The following TENM3 variants were observed in gnomAD, a reference collection of about 807,000 sequenced individuals.
TENM3 encodes the protein teneurin transmembrane protein 3, also known as teneurin-3.
In TENM3, 63 loss-of-function variants were observed where a neutral mutation model predicts 255.1. The ratio of observed to expected loss-of-function variants is 0.25; its 90% CI spans 0.20 to 0.30. TENM3 has a LOEUF of 0.30. Ranked by LOEUF, TENM3 falls within the 10% of genes least tolerant of loss-of-function variation. The probability of loss-of-function intolerance (pLI) is 1.00; values close to 1 mark genes in which losing one functional copy is unlikely to be tolerated. For synonymous variants in TENM3, 1,306 were observed against 1,322.3 expected (o/e 0.99, Z 0.27); for missense variants, 2,929 against 3,461.1 (o/e 0.85, Z 3.86).
the TENM3 span, among the ~76,000 whole-genome samples, chr4:181,951,323 A>C: frequency 1.3e-5 from 2 of 152,140 alleles, no homozygotes; most frequent in Non-Finnish European, 2.9e-5. Context: ...CCTGTCTCAA[A>C]ATCAGAGTCG....
At chr4:182,097,957 C>T in the TENM3 span, among the ~76,000 whole-genome samples, 1 of 152,026 alleles carries the variant, frequency 6.6e-6, no homozygotes, top group Non-Finnish European at 1.5e-5. Context: ...ATGGCAAAGC[C>T]TAGCACTCAA....
the TENM3 span, among the ~76,000 whole-genome samples, chr4:181,546,093 G>T: frequency 6.6e-6 from 1 of 152,172 alleles, no homozygotes; most frequent in Non-Finnish European, 1.5e-5. Context: ...CCACTGCAAA[G>T]GTCTTGCGTT....
intron 3 of TENM3, among the ~76,000 whole-genome samples, chr4:182,441,748 G>A (rs536358912): frequency 3.4e-4 from 52 of 152,172 alleles, no homozygotes; most frequent in Non-Finnish European, 5.6e-4. Context: ...TGCCTGCCTC[G>A]AACTCCTGAC....
chr4:182,579,388 A>G (rs902612026), intron 3 of TENM3, among the ~76,000 whole-genome samples: 2 of 152,216 alleles, frequency 1.3e-5, no homozygotes, highest in Admixed American at 1.3e-4. Context: ...ACATAACCAA[A>G]TAACATTTTG....
At chr4:182,454,131 T>C (rs1235021092) in intron 3 of TENM3, among the ~76,000 whole-genome samples, 1 of 152,158 alleles carries the variant, frequency 6.6e-6, no homozygotes, top group East Asian at 1.9e-4. Flanking sequence ...TATCATCTTA[T>C]TGAGCCCATC....
the TENM3 span, among the ~76,000 whole-genome samples, chr4:181,858,396 C>T: frequency 6.6e-6 from 1 of 152,150 alleles, no homozygotes; most frequent in Admixed American, 6.5e-5. Flanking sequence ...CCAGCTATTT[C>T]TAAAGGACAC....
intron 1 of TENM3, among the ~76,000 whole-genome samples, chr4:182,198,348 A>G (rs1353349645): frequency 6.6e-6 from 1 of 152,174 alleles, no homozygotes; most frequent in East Asian, 1.9e-4. Context: ...TAATCAGATT[A>G]CTTTTACTGA....
intron 3 of TENM3, among the ~76,000 whole-genome samples, chr4:182,568,127 G>C (rs1242376833): frequency 6.6e-6 from 1 of 152,176 alleles, no homozygotes; most frequent in Non-Finnish European, 1.5e-5. Flanking sequence ...AGCAAATCCT[G>C]CCAGTTCTAC....
At chr4:182,615,970 T>C (rs1200438914) in intron 4 of TENM3, among the ~76,000 whole-genome samples, 5 of 152,208 alleles carry the variant, frequency 3.3e-5, no homozygotes, top group African/African-American at 1.2e-4. Context: ...AATACCTTAC[T>C]GCAGTGATTC....
intron 3 of TENM3, among the ~76,000 whole-genome samples, chr4:182,586,936 C>T (rs145086911): frequency 3.9e-5 from 6 of 152,202 alleles, no homozygotes; most frequent in Middle Eastern, 6.8e-3. Flanking sequence ...TATCTGTGTG[C>T]TCTTCAATTA....
chr4:181,953,460 C>T, the TENM3 span, among the ~76,000 whole-genome samples: 7 of 152,206 alleles, frequency 4.6e-5, no homozygotes, highest in South Asian at 1.5e-3. Context: ...ATGTTAATCC[C>T]CAGGCTGTCC....
the TENM3 span, among the ~76,000 whole-genome samples, chr4:181,804,126 G>A: frequency 4.5e-5 from 1 of 22,244 alleles, no homozygotes; most frequent in African/African-American, 8.1e-5. Flanking sequence ...GGGAGGGAAA[G>A]GGAGGGAGGG....
At chr4:182,627,300 T>C (rs1750911107) in intron 4 of TENM3, among the ~76,000 whole-genome samples, 1 of 152,210 alleles carries the variant, frequency 6.6e-6, no homozygotes, top group Admixed American at 6.5e-5. Context: ...ATCCTCATTT[T>C]ATACATTAAG....
the TENM3 span, among the ~76,000 whole-genome samples, chr4:181,546,660 G>C: frequency 1.4e-5 from 2 of 141,120 alleles, no homozygotes; most frequent in Non-Finnish European, 3.0e-5. Flanking sequence ...CTTGCAGCGA[G>C]CCGAGATCGC....
At chr4:182,578,889 G>T (rs1745207287) in intron 3 of TENM3, among the ~76,000 whole-genome samples, 2 of 152,186 alleles carry the variant, frequency 1.3e-5, no homozygotes, top group African/African-American at 4.8e-5. Flanking sequence ...TGCTAACTGT[G>T]CTTCTCTTCA....
At chr4:182,569,847 G>C (rs983982446) in intron 3 of TENM3, among the ~76,000 whole-genome samples, 2 of 150,154 alleles carry the variant, frequency 1.3e-5, no homozygotes, top group African/African-American at 5.0e-5. Context: ...TTGGAGTCTA[G>C]GGCATTCATG....
chr4:182,038,997 T>C, the TENM3 span, among the ~76,000 whole-genome samples: 2 of 152,114 alleles, frequency 1.3e-5, no homozygotes, highest in Non-Finnish European at 2.9e-5. Flanking sequence ...CCTTCCAAAG[T>C]GCTGGGATTA....
chr4:181,777,809 C>T, the TENM3 span, among the ~76,000 whole-genome samples: 7 of 152,106 alleles, frequency 4.6e-5, no homozygotes, highest in Admixed American at 2.6e-4. Context: ...TTGAAATTCA[C>T]GACAGTTGCC....
intron 22 of TENM3, among the ~76,000 whole-genome samples, chr4:182,760,586 G>GC (rs1272135911): frequency 6.6e-6 from 1 of 152,162 alleles, no homozygotes; most frequent in African/African-American, 2.4e-5. Context: ...TTGGAGCTCT[G>GC]TATTTGTGGA....
Sources: allele counts gnomAD v4.1 joint callset (sites outside exome capture counted in the v4.1 genomes callset), GRCh38; gene constraint gnomAD v4.1.1; transcripts MANE v1.5; gene names NCBI Gene and HGNC (gene_info 2026-07-23, HGNC 2026-07-21).